Variants in DLGAP2 observed in about 807,000 individuals in gnomAD.
The protein encoded by DLGAP2 is disks large-associated protein 2.
DLGAP2 carries 26 observed loss-of-function variants against 100.3 expected under a neutral mutation model. The observed-to-expected ratio is 0.26, with a 90% confidence interval of 0.19 to 0.36. The LOEUF (loss-of-function observed/expected upper bound fraction) is 0.36, where lower values mean the gene tolerates loss of function less well. Among genes scored for constraint, DLGAP2 ranks in the 10% least tolerant of loss-of-function variants. DLGAP2 has a pLI of 1.00. For synonymous variants in DLGAP2, 886 were observed against 630.1 expected (o/e 1.41, Z -6.08); for missense variants, 1,858 against 1,453.2 (o/e 1.28, Z -4.53).
intron 1 of DLGAP2, among the ~76,000 whole-genome samples, chr8:857,559 C>G (rs1000907188): frequency 1.5e-4 from 23 of 152,140 alleles, no homozygotes; most frequent in Non-Finnish European, 3.2e-4. Context: ...ACACAGATGA[C>G]AAGCCACTGA....
intron 3 of DLGAP2, among the ~76,000 whole-genome samples, chr8:1,277,906 G>A (rs1028211077): frequency 2.0e-5 from 3 of 152,198 alleles, no homozygotes; most frequent in East Asian, 1.9e-4. Flanking sequence ...CAGCGGAAAC[G>A]TTATCTTGAA....
intron 2 of DLGAP2, among the ~76,000 whole-genome samples, chr8:961,959 C>T (rs563253150): frequency 1.2e-4 from 18 of 152,296 alleles, no homozygotes; most frequent in South Asian, 4.1e-4. Context: ...TTTTCTCCAG[C>T]GTCATCATGG....
At chr8:1,387,367 G>A (rs1016226155) in intron 3 of DLGAP2, among the ~76,000 whole-genome samples, 5 of 151,870 alleles carry the variant, frequency 3.3e-5, no homozygotes, top group Non-Finnish European at 7.4e-5. Context: ...AGTTCACAGA[G>A]AGTAGAAACC....
intron 1 of DLGAP2, among the ~76,000 whole-genome samples, chr8:874,270 C>G (rs1480524761): frequency 6.6e-6 from 1 of 151,088 alleles, no homozygotes; most frequent in African/African-American, 2.4e-5. Flanking sequence ...TCTTCTTTTT[C>G]CAGTATCTTA....
intron 1 of DLGAP2, among the ~76,000 whole-genome samples, chr8:886,677 G>A (rs751419149): frequency 6.6e-6 from 1 of 152,188 alleles, no homozygotes; most frequent in Admixed American, 6.5e-5. Context: ...GAGATTGTGT[G>A]GTTTTGAGTG....
chr8:1,603,933 T>A (rs2956954), intron 6 of DLGAP2, among the ~76,000 whole-genome samples: 2 of 151,830 alleles, frequency 1.3e-5, no homozygotes, highest in Non-Finnish European at 2.9e-5. Flanking sequence ...TATGAGGAGT[T>A]TTCTGAGTCC....
intron 1 of DLGAP2, among the ~76,000 whole-genome samples, chr8:896,809 C>A (rs1213343256): frequency 6.6e-6 from 1 of 152,162 alleles, no homozygotes; most frequent in East Asian, 1.9e-4. Context: ...TTATGGGCCC[C>A]CCAGTCTGTG....
In DLGAP2 at chr8:1,262,830, C is replaced by T. The variant is rs1033666765; in HGVS notation, c.106+3947C>T. On this transcript the variant is annotated intron_variant, in intron 3 of 14. Coordinates refer to ENST00000637795, the MANE Select transcript of DLGAP2 (RefSeq NM_001346810.2). ...TTATTGACAGATGCATGATACTACTCGCTTTTCAACTAGAACACAGGAAAA... is the reference window on the plus strand; with the variant it reads ...TTATTGACAGATGCATGATACTACTTGCTTTTCAACTAGAACACAGGAAAA... 7.2e-5 allele frequency among the ~76,000 whole-genome samples: 11 copies of T among 152,194 alleles called. No homozygotes were observed. The East Asian group carries it at 1.2e-3, about 16-fold the overall frequency.
At chr8:1,195,987 G>C (rs1797741733) in intron 2 of DLGAP2, among the ~76,000 whole-genome samples, 1 of 152,192 alleles carries the variant, frequency 6.6e-6, no homozygotes, top group East Asian at 1.9e-4. Flanking sequence ...GGGCAGCTGT[G>C]GGGATGCTCA....
chr8:1,470,745 CTCCTTCCCCG>C (rs1798758726), intron 3 of DLGAP2, among the ~76,000 whole-genome samples: 1 of 504 alleles, frequency 2.0e-3, no homozygotes, highest in Non-Finnish European at 4.2e-3. Context: ...CCTTCCCCGA[CTCCTTCCCCG>C]ACTCCTCCAG....
At chr8:1,468,330 C>G (rs1038900143) in intron 3 of DLGAP2, among the ~76,000 whole-genome samples, 2 of 151,604 alleles carry the variant, frequency 1.3e-5, no homozygotes, top group African/African-American at 4.9e-5. Context: ...CGCCTGTTCA[C>G]ACGGCGTGGA....
At chr8:1,671,125 C>T (rs907390044) in intron 10 of DLGAP2, among the ~76,000 whole-genome samples, 3 of 152,350 alleles carry the variant, frequency 2.0e-5, no homozygotes, top group African/African-American at 4.8e-5. Flanking sequence ...TAAGGGCTCA[C>T]GGCCAAGGCC....
rs530694670 is a variant in DLGAP2 at position 1,708,305 on chromosome 8, C to T, written c.*6899C>T. The T allele has an allele frequency of 6.6e-5, 10 of 151,356 alleles. No individual in the cohort carries two copies. The highest frequency in any genetic ancestry group is 2.1e-4 in the South Asian group (1 of 4,790). The allele number at this position is 151,356 out of a possible 1,614,324, so 9.4% of individuals were successfully genotyped here. Reference sequence around the variant, plus strand: ...ATTATATAGACCAAAGAGTTTTATCCGAAAAAAAATTACACTCTTCCTCCA... The same window carrying T: ...ATTATATAGACCAAAGAGTTTTATCTGAAAAAAAATTACACTCTTCCTCCA... On this transcript the variant is annotated 3_prime_UTR_variant, in exon 15 of 15. Transcript: ENST00000637795.
intron 3 of DLGAP2, among the ~76,000 whole-genome samples, chr8:1,365,259 G>C (rs1239261998): frequency 6.6e-6 from 1 of 152,176 alleles, no homozygotes; most frequent in Non-Finnish European, 1.5e-5. Context: ...CTCTCCCAGA[G>C]CCTCAAGCTC....
chr8:1,592,553 C>G (rs1387437778), intron 6 of DLGAP2, among the ~76,000 whole-genome samples: 2 of 152,084 alleles, frequency 1.3e-5, no homozygotes, highest in South Asian at 2.1e-4. Context: ...CAACATCCTC[C>G]TAGTCCAGCC....
At chr8:1,412,388 A>T (rs182801111) in intron 3 of DLGAP2, among the ~76,000 whole-genome samples, 4 of 152,126 alleles carry the variant, frequency 2.6e-5, no homozygotes, top group Admixed American at 2.6e-4. Context: ...GAGGTTCCAA[A>T]AGGTTCTCAG....
chr8:1,675,217 G>A (rs1236384826), intron 10 of DLGAP2, among the ~76,000 whole-genome samples: 1 of 152,228 alleles, frequency 6.6e-6, no homozygotes, highest in African/African-American at 2.4e-5. Context: ...GGCGGCGGCC[G>A]AGAGCTCCAG....
chr8:1,626,557 ACGGCTGTTCC>A, intron 6 of DLGAP2, among the ~76,000 whole-genome samples, 173 bp from the exon 7 acceptor site: 1 of 143,604 alleles, frequency 7.0e-6, no homozygotes, highest in African/African-American at 2.6e-5. Context: ...TGTGGGTTGG[ACGGCTGTTCC>A]CATCTCTACC....
intron 11 of DLGAP2, 80 bp from the exon 12 acceptor site, chr8:1,678,134 T>C (rs1563057510): frequency 2.0e-6 from 3 of 1,510,628 alleles, no homozygotes; most frequent in Non-Finnish European, 2.7e-6. Flanking sequence ...GGTGCGCTCC[T>C]GACAGGCGAC....
Sources: allele counts gnomAD v4.1 joint callset (sites outside exome capture counted in the v4.1 genomes callset), GRCh38; gene constraint gnomAD v4.1.1; transcripts MANE v1.5; gene names NCBI Gene and HGNC (gene_info 2026-07-23, HGNC 2026-07-21).